The following SDK1 variants were observed in gnomAD, a reference collection of about 807,000 sequenced individuals.
The protein encoded by SDK1 is protein sidekick-1.
In SDK1, 157 loss-of-function variants were observed where a neutral mutation model predicts 245.5. The ratio of observed to expected loss-of-function variants is 0.64; its 90% confidence interval spans 0.56 to 0.73. The LOEUF (loss-of-function observed/expected upper bound fraction) is 0.73, where lower values mean the gene tolerates loss of function less well. SDK1 is among the 30% of genes least tolerant of loss of function. The probability of loss-of-function intolerance (pLI) is 0.00; values close to 1 mark genes in which losing one functional copy is unlikely to be tolerated. For synonymous variants in SDK1, 1,647 were observed against 1,278.5 expected (o/e 1.29, Z -6.15); for missense variants, 3,583 against 3,002.3 (o/e 1.19, Z -4.52).
chr7:3,508,600 T>A (rs1332943327), intron 1 of SDK1, among the ~76,000 whole-genome samples: 1 of 152,186 alleles, frequency 6.6e-6, no homozygotes, highest in Non-Finnish European at 1.5e-5. Flanking sequence ...AGTGTTGGGA[T>A]TACAGGTGTG....
chr7:3,995,347 T>A (rs1448638398), intron 14 of SDK1, among the ~76,000 whole-genome samples: 1 of 152,000 alleles, frequency 6.6e-6, no homozygotes, highest in Non-Finnish European at 1.5e-5. Flanking sequence ...TGCTACCCCA[T>A]CTCCTCCCCT....
rs182338359 is a variant in SDK1 at position 4,178,271 on chromosome 7, A to G, written c.4997-214A>G. 4.1e-4 allele frequency among the ~76,000 whole-genome samples: 62 copies of G among 152,262 alleles called. 3 individuals carry two copies. In the East Asian group the frequency reaches 0.012, roughly 30 times the overall value. The stretch of plus-strand genomic sequence containing the variant: ...TACCTGAACACAGGATAGGATGGGT[A>G]CGTCTTTTGCTTAATGGTGGTGGGT... On this transcript the variant is annotated intron_variant, in intron 34 of 44. Transcript: ENST00000404826.
chr7:3,674,462 T>C (rs927599826), intron 4 of SDK1, among the ~76,000 whole-genome samples: 1 of 151,990 alleles, frequency 6.6e-6, no homozygotes. Context: ...AGGGTGACAA[T>C]ACAGGGGCCT....
chr7:3,515,006 TG>T (rs1782697454), intron 1 of SDK1, among the ~76,000 whole-genome samples: 1 of 152,204 alleles, frequency 6.6e-6, no homozygotes, highest in African/African-American at 2.4e-5. Flanking sequence ...GTTTTCATAA[TG>T]AGGCATTATT....
chr7:3,346,693 A>T (rs571069822), intron 1 of SDK1, among the ~76,000 whole-genome samples: 348 of 126,100 alleles, frequency 2.8e-3, no homozygotes, highest in Non-Finnish European at 4.2e-3. Flanking sequence ...GTGTGTGTGT[A>T]TGTGTGTTTG....
rs148508643 is a variant in SDK1 at position 3,971,193 on chromosome 7, T to A, written c.1715-273T>A. ...GCCTAGAACCTCATCCACACCTGCA[T>A]GGGGTGGTCGGCATTCAGTTACTTC... On this transcript the variant is annotated intron_variant, in intron 11 of 44. Coordinates refer to ENST00000404826, the MANE Select transcript of SDK1 (RefSeq NM_152744.4). Among the ~76,000 whole-genome samples the A allele has an allele frequency of 2.6e-5, 4 of 152,170 alleles. No homozygotes were observed. The East Asian group carries it at 7.7e-4, about 29-fold the overall frequency.
intron 1 of SDK1, among the ~76,000 whole-genome samples, chr7:3,334,895 C>T (rs1780159825): frequency 6.6e-6 from 1 of 152,006 alleles, no homozygotes; most frequent in African/African-American, 2.4e-5. Flanking sequence ...TTTCAAATCT[C>T]TCTCACTTAG....
chr7:3,971,437 G>C, intron 11 of SDK1, 29 bp from the exon 12 acceptor site: 1 of 1,510,638 alleles, frequency 6.6e-7, no homozygotes, highest in Non-Finnish European at 9.2e-7. Flanking sequence ...TTGTCATTTC[G>C]TCTGACTCGT....
At chr7:3,354,432 G>C (rs1241369747) in intron 1 of SDK1, among the ~76,000 whole-genome samples, 1 of 152,000 alleles carries the variant, frequency 6.6e-6, no homozygotes, top group African/African-American at 2.4e-5. Context: ...GTTGTTTTTT[G>C]AAATAGTTTT....
chr7:3,949,014 G>A (rs138199876), intron 5 of SDK1, among the ~76,000 whole-genome samples: 2 of 152,290 alleles, frequency 1.3e-5, no homozygotes, highest in African/African-American at 4.8e-5. Context: ...AGTCTGATTG[G>A]CATTCCATTC....
At chr7:3,596,320 G>T (rs552943455) in intron 1 of SDK1, among the ~76,000 whole-genome samples, 1 of 152,330 alleles carries the variant, frequency 6.6e-6, no homozygotes, top group South Asian at 2.1e-4. Flanking sequence ...TGGTACAAGA[G>T]AGTAAGTCTG....
intron 1 of SDK1, among the ~76,000 whole-genome samples, chr7:3,433,987 G>A (rs961360546): frequency 1.3e-5 from 2 of 152,194 alleles, no homozygotes; most frequent in African/African-American, 4.8e-5. Context: ...TAAGAAGGAA[G>A]TGTTAAGAAT....
intron 1 of SDK1, among the ~76,000 whole-genome samples, chr7:3,531,351 T>C (rs1483031923): frequency 2.0e-5 from 3 of 152,242 alleles, no homozygotes; most frequent in Non-Finnish European, 4.4e-5. Context: ...TTAGGTTATT[T>C]AGTAGTAAGA....
chr7:4,011,366 A>G (rs972061683), intron 15 of SDK1, among the ~76,000 whole-genome samples: 3 of 152,230 alleles, frequency 2.0e-5, no homozygotes, highest in East Asian at 3.8e-4. Context: ...CTGTGCCTAC[A>G]TAAATCGCTC....
Position 4,260,531 on chromosome 7 carries a change from T to C in SDK1, c.6382-4593T>C, listed in dbSNP as rs551344998. Among the ~76,000 whole-genome samples the C allele has an allele frequency of 2.5e-3, 332 of 131,782 alleles. 5 individuals carry two copies. Among genetic ancestry groups the C allele is most frequent in the African/African-American group, 9.4e-3 (312 of 33,354 alleles). 86.5% of individuals were successfully genotyped at this position (131,782 alleles called of 152,430 possible). A position where few individuals can be genotyped will look rare whatever the true frequency, so the allele number is the denominator to read the frequency against. The stretch of plus-strand genomic sequence containing the variant: ...AGCTGGCTGCTCCGGGGTCTCTGTG[T>C]GTGGGAAGATGTGTTCATCGTCACC... On this transcript the variant is annotated intron_variant, in intron 44 of 44. Transcript: ENST00000404826.
In SDK1 at chr7:3,301,730, C is replaced by G. The variant is rs1338495452; in HGVS notation, c.144C>G (p.Pro48=). Residue 48 remains proline, a synonymous_variant, in exon 1 of 45, where the codon CCC becomes CCG. Coordinates refer to ENST00000404826, the MANE Select transcript of SDK1 (RefSeq NM_152744.4). ...PSLAPRPGPE[P]SRPRAAPETS... ...TGGCGCCGCGCCCCGGCCCGGAGCC[C>G]TCGCGACCCCGGGCGGCGCCCGAGA... 1.0e-6 allele frequency: 1 copy of G among 977,984 alleles called. No homozygotes were observed. Among genetic ancestry groups the G allele is most frequent in the Non-Finnish European group, 1.2e-6 (1 of 826,752 alleles). The allele number at this position is 977,984 out of a possible 1,614,324, so 60.6% of individuals were successfully genotyped here.
chr7:3,430,791 G>A (rs1779821121), intron 1 of SDK1, among the ~76,000 whole-genome samples: 2 of 152,330 alleles, frequency 1.3e-5, no homozygotes, highest in Middle Eastern at 3.4e-3. Flanking sequence ...ACCTGCTAGG[G>A]CCCATGCCTC....
At chr7:3,700,448 T>A (rs1274053757) in intron 4 of SDK1, among the ~76,000 whole-genome samples, 1 of 152,160 alleles carries the variant, frequency 6.6e-6, no homozygotes, top group East Asian at 1.9e-4. Flanking sequence ...ACTTAAAGAA[T>A]GGTAAGGTTT....
At position 4,006,736 on chromosome 7, in the gene SDK1, G is replaced by A. The variant is rs554851633; in HGVS notation, c.2132-4230G>A. ...AAAGAATAAAGAAAGAATTCCTATA[G>A]CTGCAGCAGGACTGGGCAGGCCCCG... On this transcript the variant is annotated intron_variant, in intron 14 of 44. Coordinates refer to ENST00000404826, the MANE Select transcript of SDK1 (RefSeq NM_152744.4). Among the ~76,000 whole-genome samples, 3 of 152,310 alleles carry A rather than the reference G, an allele frequency of 2.0e-5. No homozygotes were observed. In the South Asian group the frequency reaches 6.2e-4, roughly 32 times the overall value.
Sources: allele counts gnomAD v4.1 joint callset (sites outside exome capture counted in the v4.1 genomes callset), GRCh38; gene constraint gnomAD v4.1.1; transcripts MANE v1.5; gene names NCBI Gene and HGNC (gene_info 2026-07-23, HGNC 2026-07-21).